Variants in NFATC2 observed in about 807,000 individuals in gnomAD.
NFATC2 encodes nuclear factor of activated T-cells, cytoplasmic 2.
A neutral mutation model predicts 87.3 loss-of-function variants in NFATC2; 22 were observed. The ratio of observed to expected loss-of-function variants is 0.25; its 90% CI spans 0.18 to 0.36. The LOEUF (loss-of-function observed/expected upper bound fraction) is 0.36. NFATC2 is among the 10% of genes least tolerant of loss of function. The probability of loss-of-function intolerance (pLI) is 1.00; values close to 1 mark genes in which losing one functional copy is unlikely to be tolerated. For synonymous variants in NFATC2, 565 were observed against 542.2 expected (o/e 1.04, Z -0.58); for missense variants, 1,149 against 1,259.1 (o/e 0.91, Z 1.32).
At chr20:51,475,424 T>C in intron 4 of NFATC2, 34 bp downstream of exon 4, 1 of 1,610,504 alleles carries the variant, frequency 6.2e-7, no homozygotes, top group Non-Finnish European at 8.5e-7. Flanking sequence ...CGCTTCTCCA[T>C]GAAGACCCGC....
At chr20:51,561,097 A>G (rs2077017095) in intron 1 of NFATC2, among the ~76,000 whole-genome samples, 2 of 151,872 alleles carry the variant, frequency 1.3e-5, no homozygotes, top group African/African-American at 4.8e-5. Context: ...TCTGTCTGAG[A>G]GCATTGCTTT....
At chr20:51,502,747 G>A (rs1369716796) in intron 3 of NFATC2, among the ~76,000 whole-genome samples, 2 of 152,148 alleles carry the variant, frequency 1.3e-5, no homozygotes, top group Non-Finnish European at 2.9e-5. Flanking sequence ...TCAAGCAAAG[G>A]CAAGGTTTAA....
chr20:51,528,085 CAAAAA>C (rs56201141), intron 1 of NFATC2, among the ~76,000 whole-genome samples: 4 of 94,230 alleles, frequency 4.2e-5, no homozygotes, highest in Admixed American at 1.1e-4. Flanking sequence ...GAACCTGTCC[CAAAAA>C]AAAAAAAAAA....
chr20:51,558,021 A>G (rs907034351), intron 1 of NFATC2, among the ~76,000 whole-genome samples: 4 of 152,202 alleles, frequency 2.6e-5, no homozygotes, highest in Admixed American at 2.6e-4. Flanking sequence ...AGAGATTCTC[A>G]AATTCCTGTT....
chr20:51,431,621 C>T (rs1430438451), intron 9 of NFATC2, among the ~76,000 whole-genome samples: 2 of 152,124 alleles, frequency 1.3e-5, no homozygotes, highest in South Asian at 2.1e-4. Context: ...CTTTTCCTCC[C>T]TCTCCCTCCC....
intron 9 of NFATC2, among the ~76,000 whole-genome samples, chr20:51,430,606 TTGG>T (rs1982561370): frequency 1.3e-5 from 2 of 152,164 alleles, no homozygotes; most frequent in South Asian, 4.1e-4. Flanking sequence ...AGGTCTTTGC[TTGG>T]TGAATTCAGG....
At chr20:51,403,093 G>A (rs756237084) in intron 9 of NFATC2, among the ~76,000 whole-genome samples, 34 of 152,096 alleles carry the variant, frequency 2.2e-4, no homozygotes, top group Admixed American at 5.9e-4. Flanking sequence ...TCAAGCGCAC[G>A]TCCTGGAAGC....
intron 9 of NFATC2, among the ~76,000 whole-genome samples, chr20:51,400,646 G>A (rs1416589563): frequency 3.9e-5 from 6 of 152,174 alleles, no homozygotes; most frequent in Non-Finnish European, 1.5e-5. Flanking sequence ...GAAGACAGAG[G>A]CAGGGCCTGT....
rs763159477 is a variant in NFATC2, at chr20:51,523,980, T to C, written c.261A>G (p.Gly87=). Residue 87 remains glycine (G), a synonymous_variant, in exon 2 of 11, where the codon GGA becomes GGG. Transcript: ENST00000371564. This position sits in a 1 kb window ranked among gnomAD's most constrained non-coding sequence, Gnocchi z 6.9. The stretch of plus-strand genomic sequence containing the variant: ...TCTGCGGCCCTACCCTATCCGGCTC[T>C]CCGAATCGGCCGGGGGGCTCGCCAG... ...SLSGEPPGRF[G]EPDRVGPQKF... 13 of 1,576,222 alleles carry C rather than the reference T, an allele frequency of 8.2e-6. No homozygotes were observed. In the Middle Eastern group the frequency reaches 6.8e-4, roughly 82 times the overall value.
At chr20:51,418,847 C>T (rs1264550776) in intron 9 of NFATC2, among the ~76,000 whole-genome samples, 1 of 151,642 alleles carries the variant, frequency 6.6e-6, no homozygotes, top group East Asian at 2.0e-4. Context: ...ATTTTAAGTA[C>T]AAATGGGGTT....
intron 3 of NFATC2, among the ~76,000 whole-genome samples, chr20:51,488,048 G>A (rs1349321358): frequency 1.3e-5 from 2 of 152,130 alleles, no homozygotes; most frequent in African/African-American, 4.8e-5. Context: ...CCGTTCTTAT[G>A]TGGAGCGTAT....
chr20:51,400,311 G>C (rs1987868649), intron 9 of NFATC2, among the ~76,000 whole-genome samples: 1 of 152,150 alleles, frequency 6.6e-6, no homozygotes, highest in Admixed American at 6.5e-5. Context: ...GTGGATCTCA[G>C]GCATCAGGCA....
intron 6 of NFATC2, among the ~76,000 whole-genome samples, chr20:51,453,948 A>C (rs1986103337): frequency 6.6e-6 from 1 of 152,262 alleles, no homozygotes; most frequent in Non-Finnish European, 1.5e-5. Context: ...TTCATGTACA[A>C]GATTAATTAA....
At chr20:51,496,972 A>G (rs535773269) in intron 3 of NFATC2, among the ~76,000 whole-genome samples, 254 of 152,346 alleles carry the variant, frequency 1.7e-3, no homozygotes, top group Non-Finnish European at 2.7e-3. Flanking sequence ...GGCCCCAGGC[A>G]GGGTGGCAGG....
intron 4 of NFATC2, 86 bp downstream of exon 4, chr20:51,475,372 G>A: frequency 7.7e-7 from 1 of 1,304,690 alleles, no homozygotes; most frequent in Admixed American, 1.7e-5. Flanking sequence ...CATCAGTTCT[G>A]TAGAGTCCCC....
Position 51,523,447 on chromosome 20 carries a change from G to A in NFATC2, c.794C>T (p.Pro265Leu), listed in dbSNP as rs768828763. 11 of 1,609,200 alleles carry A rather than the reference G, an allele frequency of 6.8e-6. No homozygotes were observed. The African/African-American group carries it at 1.1e-4, about 16-fold the overall frequency. The part of the protein sequence containing the change: ...SCAEALVALP[P>L]GASPQRSRSP... ...CCGGGAGCGCTGGGGTGAGGCTCCG[G>A]GCGGCAGGGCAACCAAGGCCTCGGC... The change falls in exon 2 of 11, where the codon CCC (proline) becomes CTC (leucine). Residue 265 changes from proline to leucine, a missense_variant. By Grantham distance (98) the Pro-to-Leu change is moderately conservative. This residue lies in a region of NFATC2 where 563 missense variants were observed against 585.2 expected (regional missense o/e 0.96). Coordinates refer to ENST00000371564, the MANE Select transcript of NFATC2 (RefSeq NM_012340.5). This position sits in a 1 kb window ranked among gnomAD's most constrained non-coding sequence, Gnocchi z 6.9.
rs1385117345 is a variant in NFATC2, at chr20:51,391,145, T to C, written c.*351A>G. On this transcript the variant is annotated 3_prime_UTR_variant, in exon 11 of 11. Transcript: ENST00000371564. ...CTTTTGGTCAGCAGGTGCTTACTAT[T>C]TGGACGGAACACCATTAAGATCAAC... 1.5e-6 allele frequency: 1 copy of C among 645,236 alleles called. No homozygotes were observed. Among genetic ancestry groups the C allele is most frequent in the East Asian group, 3.0e-5 (1 of 33,684 alleles). The allele number at this position is 645,236 out of a possible 1,614,324, so 40.0% of individuals were successfully genotyped here.
At chr20:51,435,802 A>G (rs769423977) in intron 6 of NFATC2, 41 bp from the exon 7 acceptor site, 88 of 1,533,854 alleles carry the variant, frequency 5.7e-5, no homozygotes, top group Non-Finnish European at 6.1e-5. Flanking sequence ...AGGAACTATT[A>G]GAAACCAAAG....
rs964065736 is a variant in NFATC2, at chr20:51,451,814, C to T, written c.1849+2734G>A. On this transcript the variant is annotated intron_variant, in intron 6 of 10. Coordinates refer to ENST00000371564, the MANE Select transcript of NFATC2 (RefSeq NM_012340.5). ...TAGGAGAGTCTAATGCCTGATCATC[C>T]GTTACTGTCTCCCGTCAACCCCCAG... is the stretch of plus-strand genomic sequence containing the variant. Among the ~76,000 whole-genome samples, 70 of 152,170 alleles carry T rather than the reference C, an allele frequency of 4.6e-4. 1 individual carries two copies. Among genetic ancestry groups the T allele is most frequent in the Admixed American group, 3.8e-3 (58 of 15,288 alleles).
Sources: allele counts gnomAD v4.1 joint callset (sites outside exome capture counted in the v4.1 genomes callset), GRCh38; gene constraint gnomAD v4.1.1; regional missense constraint gnomAD v4.1.1; non-coding constraint Gnocchi (gnomAD v3.1); transcripts MANE v1.5; gene names NCBI Gene and HGNC (gene_info 2026-07-23, HGNC 2026-07-21).